Variants in NRXN3 observed in about 807,000 individuals in gnomAD.
NRXN3 encodes neurexin 3.
NRXN3 carries 32 observed loss-of-function variants against 137.6 expected under a neutral mutation model. The ratio of observed to expected loss-of-function variants is 0.23; its 90% CI spans 0.18 to 0.31. The LOEUF (loss-of-function observed/expected upper bound fraction) is 0.31. Ranked by LOEUF, NRXN3 falls within the 10% of genes least tolerant of loss-of-function variation. The pLI is 1.00. For missense variants in NRXN3, 1,574 were observed against 2,062.5 expected, an observed-to-expected ratio of 0.76 and a Z score of 4.59; for synonymous variants, 798 against 784.5, an observed-to-expected ratio of 1.02 and a Z score of -0.29.
chr14:79,030,117 A>G (rs2099605156), intron 15 of NRXN3, among the ~76,000 whole-genome samples: 1 of 149,602 alleles, frequency 6.7e-6, no homozygotes, highest in Admixed American at 6.7e-5. Context: ...CCTGAGCTCA[A>G]GCGACCCACC....
intron 15 of NRXN3, among the ~76,000 whole-genome samples, chr14:79,425,517 G>C (rs1479323942): frequency 6.6e-6 from 1 of 152,082 alleles, no homozygotes; most frequent in African/African-American, 2.4e-5. Flanking sequence ...AGAATCAGCT[G>C]TTCTTTCTAA....
intron 10 of NRXN3, among the ~76,000 whole-genome samples, chr14:78,941,712 A>G (rs1287882922): frequency 5.3e-5 from 8 of 152,202 alleles, no homozygotes; most frequent in African/African-American, 1.9e-4. Context: ...CATCTGTAAA[A>G]TGGGATAAAA....
At chr14:78,925,803 G>T (rs1567718699) in intron 10 of NRXN3, among the ~76,000 whole-genome samples, 2 of 152,136 alleles carry the variant, frequency 1.3e-5, no homozygotes, top group Non-Finnish European at 2.9e-5. Context: ...ATTGTTACCA[G>T]CACAGACTCC....
intron 19 of NRXN3, among the ~76,000 whole-genome samples, chr14:79,780,336 C>T (rs2099109776): frequency 6.6e-6 from 1 of 152,016 alleles, no homozygotes; most frequent in Non-Finnish European, 1.5e-5. Context: ...CATGGTGGCT[C>T]ATGCCTGTAA....
At chr14:79,149,897 C>T (rs1331704904) in intron 15 of NRXN3, among the ~76,000 whole-genome samples, 1 of 151,952 alleles carries the variant, frequency 6.6e-6, no homozygotes, top group Admixed American at 6.6e-5. Flanking sequence ...ATAGCTAATG[C>T]ATGCTGGGCT....
At chr14:79,629,101 G>A (rs1359780977) in intron 16 of NRXN3, among the ~76,000 whole-genome samples, 2 of 152,152 alleles carry the variant, frequency 1.3e-5, no homozygotes, top group African/African-American at 2.4e-5. Context: ...GCATTTAAAG[G>A]TGATGATTAA....
At chr14:79,582,598 T>C (rs182280166) in intron 16 of NRXN3, among the ~76,000 whole-genome samples, 1,645 of 151,816 alleles carry the variant, frequency 0.011, 27 homozygotes, top group African/African-American at 0.038. Flanking sequence ...TTTTTTTTTT[T>C]CTAGTAGAGA....
chr14:79,684,953 T>C (rs2098688969), intron 17 of NRXN3, among the ~76,000 whole-genome samples: 1 of 152,038 alleles, frequency 6.6e-6, no homozygotes, highest in Non-Finnish European at 1.5e-5. Flanking sequence ...AAAATAACAC[T>C]GTGGCTTTTG....
chr14:79,569,425 C>T (rs1338061574), intron 16 of NRXN3, among the ~76,000 whole-genome samples: 4 of 152,082 alleles, frequency 2.6e-5, no homozygotes, highest in African/African-American at 9.7e-5. Context: ...ATTTACTGCA[C>T]CCATCCTAAT....
intron 7 of NRXN3, among the ~76,000 whole-genome samples, chr14:78,712,722 C>A (rs368718838): frequency 6.6e-6 from 1 of 152,118 alleles, no homozygotes; most frequent in Non-Finnish European, 1.5e-5. Flanking sequence ...GCCACCACAC[C>A]TGGCTAATTT....
intron 10 of NRXN3, among the ~76,000 whole-genome samples, chr14:78,942,404 A>G (rs559952809): frequency 1.3e-5 from 2 of 152,328 alleles, no homozygotes; most frequent in East Asian, 3.9e-4. Flanking sequence ...GCTGAAGAAT[A>G]TCTGGAGCCC....
chr14:78,356,112 C>T (rs2084267646), intron 4 of NRXN3, among the ~76,000 whole-genome samples: 1 of 152,214 alleles, frequency 6.6e-6, no homozygotes, highest in Non-Finnish European at 1.5e-5. Flanking sequence ...CAATTGTTGA[C>T]ACAGAAATTC....
rs751030408 is a variant in NRXN3 at position 79,385,210 on chromosome 14, CG to C, written c.3263-82010del. Among the ~76,000 whole-genome samples, 73 of 112,348 alleles carry C rather than the reference CG, an allele frequency of 6.5e-4. 1 individual carries two copies. In the East Asian group the frequency reaches 7.2e-3, roughly 11 times the overall value. The allele number at this position is 112,348 out of a possible 152,430, so 73.7% of individuals were successfully genotyped here. A position where few individuals can be genotyped will look rare whatever the true frequency, so the allele number is the denominator to read the frequency against. ...TATCTCCCAATGCTATCCTTCCCCC[CG>C]CCCCCACCCCACCACAGTCCCCAGA... On this transcript the variant is annotated intron_variant, in intron 15 of 20. Coordinates refer to ENST00000335750, the MANE Select transcript of NRXN3 (RefSeq NM_001330195.2).
At chr14:79,829,809 A>G (rs2099317397) in intron 20 of NRXN3, among the ~76,000 whole-genome samples, 1 of 148,992 alleles carries the variant, frequency 6.7e-6, no homozygotes, top group Non-Finnish European at 1.5e-5. Flanking sequence ...ACTGAATCCA[A>G]TGACTTTTTT....
chr14:78,464,248 G>A (rs112389301), intron 4 of NRXN3, among the ~76,000 whole-genome samples: 6,978 of 152,092 alleles, frequency 0.046, 209 homozygotes, highest in African/African-American at 0.076. Flanking sequence ...TAGAGACTGG[G>A]TTTCACCGTG....
intron 6 of NRXN3, among the ~76,000 whole-genome samples, chr14:78,663,902 T>C (rs916223180): frequency 6.6e-6 from 1 of 152,238 alleles, no homozygotes; most frequent in East Asian, 1.9e-4. Flanking sequence ...AAGCAATCAT[T>C]GAGCTAATTA....
At chr14:78,636,438 G>A (rs951969176) in intron 4 of NRXN3, among the ~76,000 whole-genome samples, 65 of 152,124 alleles carry the variant, frequency 4.3e-4, no homozygotes, top group African/African-American at 1.4e-3. Flanking sequence ...ATCTAATTAC[G>A]AAATGTAGAA....
intron 9 of NRXN3, among the ~76,000 whole-genome samples, chr14:78,806,959 T>C (rs894684861): frequency 6.6e-6 from 1 of 152,178 alleles, no homozygotes; most frequent in Non-Finnish European, 1.5e-5. Context: ...CAGAGAGAAA[T>C]ATATTACTTT....
chr14:79,101,826 A>G (rs6574491), intron 15 of NRXN3, among the ~76,000 whole-genome samples: 152,239 of 152,262 alleles, frequency 1, 76,108 homozygotes, highest in Middle Eastern at 1. Context: ...CATAAGATGG[A>G]GAGTATTGTG....
Sources: allele counts gnomAD v4.1 joint callset (sites outside exome capture counted in the v4.1 genomes callset), GRCh38; gene constraint gnomAD v4.1.1; transcripts MANE v1.5; gene names NCBI Gene and HGNC (gene_info 2026-07-23, HGNC 2026-07-21).